The following RANBP2 variants were observed in gnomAD, a reference collection of about 807,000 sequenced individuals.
RANBP2 encodes the protein E3 SUMO-protein ligase RanBP2.
Under a neutral mutation model 303.6 loss-of-function variants are expected in RANBP2, and 57 were observed. That is an observed-to-expected ratio of 0.19 (90% confidence interval 0.15 to 0.23). The LOEUF (loss-of-function observed/expected upper bound fraction) is 0.23. Ranked by LOEUF, RANBP2 falls within the 10% of genes least tolerant of loss-of-function variation. The probability of loss-of-function intolerance (pLI) is 1.00; values close to 1 mark genes in which losing one functional copy is unlikely to be tolerated. For synonymous variants in RANBP2, 1,167 were observed against 1,301.5 expected (o/e 0.90, Z 2.23); for missense variants, 3,138 against 3,780.8 (o/e 0.83, Z 4.46).
At chr2:109,700,120 A>G in the RANBP2 span, among the ~76,000 whole-genome samples, 1 of 152,358 alleles carries the variant, frequency 6.6e-6, no homozygotes, top group Non-Finnish European at 1.5e-5. Flanking sequence ...CCATTTAAAA[A>G]GTTCTTGCCA....
At chr2:109,627,305 T>G in the RANBP2 span, among the ~76,000 whole-genome samples, 1 of 152,202 alleles carries the variant, frequency 6.6e-6, no homozygotes, top group African/African-American at 2.4e-5. Flanking sequence ...CAAGCGATTC[T>G]CCTGCCTCAG....
chr2:109,396,496 G>A, the RANBP2 span, among the ~76,000 whole-genome samples: 2 of 152,216 alleles, frequency 1.3e-5, no homozygotes, highest in African/African-American at 2.4e-5. Flanking sequence ...CGGCCTGCAC[G>A]GAGCAGCCCT....
the RANBP2 span, among the ~76,000 whole-genome samples, chr2:109,516,200 C>T: frequency 1.3e-5 from 2 of 152,062 alleles, no homozygotes. Flanking sequence ...CACTCTACAA[C>T]ACATGGGCCC....
intron 20 of RANBP2, 77 bp from the exon 21 acceptor site, chr2:108,771,624 G>A: frequency 6.3e-7 from 1 of 1,590,552 alleles, no homozygotes; most frequent in Non-Finnish European, 8.5e-7. Context: ...AGGTTCCATG[G>A]TTTTTATTTT....
chr2:109,302,367 C>G, the RANBP2 span, among the ~76,000 whole-genome samples: 1 of 152,206 alleles, frequency 6.6e-6, no homozygotes, highest in Admixed American at 6.5e-5. Flanking sequence ...AGGTGAAATG[C>G]TTGCTGCTTC....
At chr2:109,481,602 C>T in the RANBP2 span, among the ~76,000 whole-genome samples, 930 of 152,258 alleles carry the variant, frequency 6.1e-3, 10 homozygotes, top group African/African-American at 0.021. Flanking sequence ...TAAACGTGCG[C>T]TTCATCCCTC....
chr2:108,885,197 C>T, the RANBP2 span: 2 of 152,160 alleles, frequency 1.3e-5, no homozygotes, highest in Non-Finnish European at 2.9e-5. Context: ...TTTCATATTG[C>T]TTTTGCAGAA....
chr2:108,740,906 G>T (rs1337455955), intron 7 of RANBP2, among the ~76,000 whole-genome samples: 1 of 151,840 alleles, frequency 6.6e-6, no homozygotes, highest in Non-Finnish European at 1.5e-5. Context: ...GCATTGCCAT[G>T]ATTTGTTTGT....
the RANBP2 span, among the ~76,000 whole-genome samples, chr2:109,180,830 C>G: frequency 1.3e-5 from 2 of 152,188 alleles, no homozygotes; most frequent in African/African-American, 4.8e-5. Context: ...CTAATATACT[C>G]AGTCAGCTAA....
the RANBP2 span, among the ~76,000 whole-genome samples, chr2:109,598,053 G>A: frequency 2.0e-5 from 3 of 151,998 alleles, no homozygotes; most frequent in Non-Finnish European, 4.4e-5. Flanking sequence ...TTAGCTTTAT[G>A]TTTTTTTGTT....
chr2:109,276,790 T>C, the RANBP2 span, among the ~76,000 whole-genome samples: 1 of 152,250 alleles, frequency 6.6e-6, no homozygotes, highest in Admixed American at 6.5e-5. Context: ...GACTTACATA[T>C]ATATATACTA....
At chr2:108,970,495 T>C in the RANBP2 span, among the ~76,000 whole-genome samples, 1 of 151,348 alleles carries the variant, frequency 6.6e-6, no homozygotes, top group Non-Finnish European at 1.5e-5. Flanking sequence ...GGACACTGAG[T>C]GGAGATGGTC....
the RANBP2 span, among the ~76,000 whole-genome samples, chr2:109,064,208 G>A: frequency 1.9e-4 from 29 of 152,114 alleles, no homozygotes; most frequent in South Asian, 5.2e-3. Context: ...GGTGGCTCAC[G>A]CCTGTAATCC....
chr2:109,490,392 T>G, the RANBP2 span, among the ~76,000 whole-genome samples: 1 of 152,120 alleles, frequency 6.6e-6, no homozygotes, highest in Admixed American at 6.5e-5. Context: ...CCCTCACTGG[T>G]TCACCCGTGG....
the RANBP2 span, among the ~76,000 whole-genome samples, chr2:109,241,441 C>T: frequency 2.6e-5 from 4 of 152,128 alleles, no homozygotes; most frequent in Non-Finnish European, 5.9e-5. Flanking sequence ...GGAAGAAATA[C>T]TTTAGGAATG....
the RANBP2 span, chr2:109,615,725 C>T: frequency 6.2e-7 from 1 of 1,613,900 alleles, no homozygotes; most frequent in South Asian, 1.1e-5. Context: ...GCGGCGGGCG[C>T]TGGAGGCTTT....
the RANBP2 span, chr2:109,614,894 C>T: frequency 7.0e-7 from 1 of 1,438,348 alleles, no homozygotes; most frequent in Non-Finnish European, 9.0e-7. Flanking sequence ...GCGAGCTGGG[C>T]GAGGGAGAGC....
chr2:109,239,759 C>T, the RANBP2 span, among the ~76,000 whole-genome samples: 19 of 152,138 alleles, frequency 1.2e-4, no homozygotes, highest in Non-Finnish European at 2.5e-4. Flanking sequence ...AAGGAGCTGG[C>T]GGCACTGCTG....
chr2:109,591,649 T>G, the RANBP2 span, among the ~76,000 whole-genome samples: 2 of 152,044 alleles, frequency 1.3e-5, no homozygotes, highest in African/African-American at 4.8e-5. Context: ...GTAATCCAAG[T>G]GCTTTGGGAG....
Sources: allele counts gnomAD v4.1 joint callset (sites outside exome capture counted in the v4.1 genomes callset), GRCh38; gene constraint gnomAD v4.1.1; transcripts MANE v1.5; gene names NCBI Gene and HGNC (gene_info 2026-07-23, HGNC 2026-07-21).